ADD1: variants seen among roughly 807,000 people sequenced by gnomAD.
ADD1 encodes adducin 1, also known as alpha-adducin.
Under a neutral mutation model 80.5 loss-of-function variants are expected in ADD1, and 24 were observed. The ratio of observed to expected loss-of-function variants is 0.30; its 90% CI spans 0.22 to 0.42. The LOEUF is 0.42. Among genes scored for constraint, ADD1 ranks in the 10% least tolerant of loss-of-function variants. The probability of loss-of-function intolerance (pLI) is 1.00; values close to 1 mark genes in which losing one functional copy is unlikely to be tolerated. For synonymous variants in ADD1, 373 were observed against 393.8 expected (o/e 0.95, Z 0.63); for missense variants, 948 against 1,019.0 (o/e 0.93, Z 0.95).
At chr4:2,885,305 G>A (rs1733068223) in intron 4 of ADD1, among the ~76,000 whole-genome samples, 1 of 152,110 alleles carries the variant, frequency 6.6e-6, no homozygotes, top group South Asian at 2.1e-4. Context: ...TGCTGTGGAA[G>A]TCCTCCCACC....
chr4:2,918,314 T>G (rs994062120), intron 14 of ADD1, among the ~76,000 whole-genome samples: 8 of 152,144 alleles, frequency 5.3e-5, no homozygotes, highest in Non-Finnish European at 1.2e-4. Context: ...ATTTGACTCT[T>G]TGTCAATTAT....
chr4:2,862,736 A>G (rs1728990013), intron 1 of ADD1, among the ~76,000 whole-genome samples: 1 of 152,210 alleles, frequency 6.6e-6, no homozygotes, highest in Non-Finnish European at 1.5e-5. Flanking sequence ...GTCGCCTTCT[A>G]ACAGACTGTG....
chr4:2,927,359 T>C (rs912550052), intron 15 of ADD1, among the ~76,000 whole-genome samples: 22 of 152,196 alleles, frequency 1.4e-4, no homozygotes, highest in African/African-American at 4.1e-4. Flanking sequence ...CACTGAGAGT[T>C]TGGGGCCTGG....
chr4:2,920,167 C>T (rs1739760774), intron 14 of ADD1, among the ~76,000 whole-genome samples: 1 of 152,178 alleles, frequency 6.6e-6, no homozygotes, highest in Non-Finnish European at 1.5e-5. Context: ...GTTTCTTAAT[C>T]CTGAGTTCTA....
intron 1 of ADD1, among the ~76,000 whole-genome samples, chr4:2,845,197 C>T (rs965949718): frequency 5.3e-5 from 8 of 152,094 alleles, no homozygotes; most frequent in South Asian, 2.1e-4. Context: ...CTCAGCCTCC[C>T]GAGTAGCTGG....
At position 2,926,427 on chromosome 4, in the gene ADD1, G is replaced by A. The variant is rs1711639017; in HGVS notation, c.2047+315G>A. On this transcript the variant is annotated intron_variant, in intron 15 of 15. Transcript: ENST00000683351. This position sits in a 1 kb window ranked among gnomAD's most constrained non-coding sequence, Gnocchi z 5.0. ...TTGTCATGCAGATGCCACCTTCGGA[G>A]GTGCCCTCCGCTGTGTGAGCCACAC... 1 of 692,572 alleles carries A rather than the reference G, an allele frequency of 1.4e-6. No individual in the cohort carries two copies. Among genetic ancestry groups the A allele is most frequent in the Non-Finnish European group, 2.6e-6 (1 of 381,290 alleles). The allele number at this position is 692,572 out of a possible 1,614,324, so 42.9% of individuals were successfully genotyped here.
intron 1 of ADD1, among the ~76,000 whole-genome samples, chr4:2,863,971 T>C (rs754903947): frequency 2.0e-5 from 3 of 152,228 alleles, no homozygotes; most frequent in South Asian, 2.1e-4. Flanking sequence ...GTGGAGACCA[T>C]GTGGGGCACA....
At chr4:2,845,543 G>T (rs1163568268) in intron 1 of ADD1, among the ~76,000 whole-genome samples, 1 of 152,152 alleles carries the variant, frequency 6.6e-6, no homozygotes, top group Non-Finnish European at 1.5e-5. Context: ...TCTACTTGTG[G>T]TGTCTTTAGG....
At chr4:2,882,861 T>TG (rs1416354811) in intron 3 of ADD1, among the ~76,000 whole-genome samples, 1 of 152,164 alleles carries the variant, frequency 6.6e-6, no homozygotes, top group African/African-American at 2.4e-5. Flanking sequence ...TCCGTTTTTT[T>TG]TTGTTGTTGT....
chr4:2,891,300 G>C (rs1361281834), intron 4 of ADD1, among the ~76,000 whole-genome samples: 1 of 151,938 alleles, frequency 6.6e-6, no homozygotes, highest in Non-Finnish European at 1.5e-5. Context: ...TAAAAATACA[G>C]AAATTAGCTG....
chr4:2,912,911 C>T (rs1337574806), intron 13 of ADD1, among the ~76,000 whole-genome samples: 1 of 152,174 alleles, frequency 6.6e-6, no homozygotes, highest in East Asian at 1.9e-4. Flanking sequence ...GTGGCGCAAT[C>T]TCGGCTCACC....
At chr4:2,910,535 G>A (rs778930337) in intron 13 of ADD1, among the ~76,000 whole-genome samples, 5 of 152,062 alleles carry the variant, frequency 3.3e-5, no homozygotes, top group East Asian at 1.9e-4. Context: ...ACTTTGTTGC[G>A]GTCTTGTCAG....
chr4:2,863,114 G>T (rs1221863375), intron 1 of ADD1, among the ~76,000 whole-genome samples: 1 of 151,900 alleles, frequency 6.6e-6, no homozygotes, highest in Non-Finnish European at 1.5e-5. Flanking sequence ...CAGTGGGATG[G>T]TCATGGCCCA....
At chr4:2,883,828 C>T (rs1480079016) in intron 3 of ADD1, among the ~76,000 whole-genome samples, 7 of 152,126 alleles carry the variant, frequency 4.6e-5, no homozygotes, top group South Asian at 2.1e-4. Context: ...CCCACCACCA[C>T]GTCTGGCTAA....
intron 10 of ADD1, chr4:2,905,548 G>C (rs1477957698): frequency 5.5e-6 from 1 of 180,810 alleles, no homozygotes; most frequent in African/African-American, 2.4e-5. Context: ...TTCTTAAGCA[G>C]TTTTCCCTTG....
rs1303068344 is a variant in ADD1 at position 2,904,821 on chromosome 4, T to C, written c.1219T>C (p.Tyr407His). ...TGCTCTGAGAGAGAAGTCTAAAAAA[T>C]ACAGCGATGTGGAGGTTCCTGCTAG... ...YPALREKSKKYSDVEVPASVT... is the reference protein window; with the variant it reads ...YPALREKSKKHSDVEVPASVT... Residue 407 changes from tyrosine to histidine, a missense_variant, in exon 10 of 16, where the codon TAC becomes CAC. Coordinates refer to ENST00000683351, the MANE Select transcript of ADD1 (RefSeq NM_001354761.2). 1 of 1,614,190 alleles carries C rather than the reference T, an allele frequency of 6.2e-7. No individual in the cohort carries two copies. The highest frequency in any genetic ancestry group is 8.5e-7 in the Non-Finnish European group (1 of 1,180,042).
intron 1 of ADD1, among the ~76,000 whole-genome samples, chr4:2,852,207 C>CCTTTCCTTT (rs60560858): frequency 0.33 from 21,130 of 64,380 alleles, 5,101 homozygotes; most frequent in South Asian, 0.52. Context: ...TCCTTTCTTT[C>CCTTTCCTTT]CTTTCCTTTC....
In ADD1 at chr4:2,907,823, G is replaced by A. The variant is rs1255363661; in HGVS notation, c.1587G>A (p.Glu529=). The change falls in exon 11 of 16, where the codon GAG becomes GAA. Residue 529 remains glutamate (E), a synonymous_variant. Transcript: ENST00000683351. ...LFVPLNTNPK[E]VQEMRNKIRE... ...TTCCATTGAACACTAACCCAAAAGA[G>A]GTCCAGGAGATGAGGAACAAGGTGC... is the stretch of plus-strand genomic sequence containing the variant. The A allele has an allele frequency of 1.2e-6, 2 of 1,614,052 alleles. No individual in the cohort carries two copies. The highest frequency in any genetic ancestry group is 2.2e-5 in the South Asian group (2 of 91,076).
chr4:2,898,634 GC>G, intron 8 of ADD1, 103 bp downstream of exon 8: 1 of 987,986 alleles, frequency 1.0e-6, no homozygotes, highest in Non-Finnish European at 1.6e-6. Flanking sequence ...GAGTCTTTGA[GC>G]AATCTCTTTG....
Sources: allele counts gnomAD v4.1 joint callset (sites outside exome capture counted in the v4.1 genomes callset), GRCh38; gene constraint gnomAD v4.1.1; non-coding constraint Gnocchi (gnomAD v3.1); transcripts MANE v1.5; gene names NCBI Gene and HGNC (gene_info 2026-07-23, HGNC 2026-07-21).